CNTNAP2: variants seen among roughly 807,000 people sequenced by gnomAD.
The protein encoded by CNTNAP2 is contactin-associated protein-like 2.
A neutral mutation model predicts 155.2 loss-of-function variants in CNTNAP2; 98 were observed. The ratio of observed to expected loss-of-function variants is 0.63; its 90% CI spans 0.54 to 0.75. The LOEUF (loss-of-function observed/expected upper bound fraction) is 0.75, where lower values mean the gene tolerates loss of function less well. CNTNAP2 is among the 30% of genes least tolerant of loss of function. The probability of loss-of-function intolerance (pLI) is 0.00; values close to 1 mark genes in which losing one functional copy is unlikely to be tolerated. For synonymous variants in CNTNAP2, 651 were observed against 631.2 expected, an observed-to-expected ratio of 1.03 and a Z score of -0.47; for missense variants, 1,727 against 1,688.1, an observed-to-expected ratio of 1.02 and a Z score of -0.40.
intron 13 of CNTNAP2, among the ~76,000 whole-genome samples, chr7:147,852,149 G>A (rs537889651): frequency 8.0e-4 from 121 of 152,192 alleles, no homozygotes; most frequent in African/African-American, 2.9e-3. Flanking sequence ...GTTATCACAT[G>A]GCCGAACACT....
intron 8 of CNTNAP2, among the ~76,000 whole-genome samples, chr7:147,205,951 T>C (rs550984614): frequency 2.6e-5 from 4 of 152,280 alleles, no homozygotes; most frequent in South Asian, 2.1e-4. Context: ...ATATCCCTAT[T>C]ACCCTGATTT....
chr7:147,295,773 A>G (rs1029247380), intron 8 of CNTNAP2, among the ~76,000 whole-genome samples: 6 of 152,178 alleles, frequency 3.9e-5, no homozygotes, highest in Non-Finnish European at 7.4e-5. Context: ...CATTTTTATC[A>G]TAGATTACTG....
At position 146,757,796 on chromosome 7, in the gene CNTNAP2, C is replaced by T. The variant is rs553436990; in HGVS notation, c.98-16475C>T. ...GAATATACATATCTCATTTATTTTT[C>T]ACTGCTATGGCTCTATTTCTTATTT... On this transcript the variant is annotated intron_variant, in intron 1 of 23. Transcript: ENST00000361727. 5.9e-5 allele frequency among the ~76,000 whole-genome samples: 9 copies of T among 152,206 alleles called. No homozygotes were observed. In the South Asian group the frequency reaches 1.9e-3, roughly 32 times the overall value.
intron 1 of CNTNAP2, among the ~76,000 whole-genome samples, chr7:146,550,403 T>TG (rs1156430009): frequency 1.4e-5 from 1 of 72,088 alleles, no homozygotes; most frequent in African/African-American, 3.9e-5. Context: ...ATTAATCTGT[T>TG]TTTTTTTTTT....
chr7:146,352,812 T>C (rs1322358715), intron 1 of CNTNAP2, among the ~76,000 whole-genome samples: 2 of 136,320 alleles, frequency 1.5e-5, no homozygotes, highest in Non-Finnish European at 3.1e-5. Flanking sequence ...TGGAGTTCAG[T>C]GGTGCGATCT....
In CNTNAP2 at chr7:146,253,737, C is replaced by T. The variant is rs75781118; in HGVS notation, c.97+136764C>T. Among the ~76,000 whole-genome samples, 46 of 152,194 alleles carry T rather than the reference C, an allele frequency of 3.0e-4. No homozygotes were observed. The East Asian group carries it at 5.4e-3, about 18-fold the overall frequency. Reference sequence around the variant, plus strand: ...AAATTTAAAATGTAAAAAATTGCTTCGTCAAACTGTTTTAAAAGATGTATC... The same window carrying T: ...AAATTTAAAATGTAAAAAATTGCTTTGTCAAACTGTTTTAAAAGATGTATC... On this transcript the variant is annotated intron_variant, in intron 1 of 23. Coordinates refer to ENST00000361727, the MANE Select transcript of CNTNAP2 (RefSeq NM_014141.6).
intron 13 of CNTNAP2, among the ~76,000 whole-genome samples, chr7:147,757,629 G>A (rs748634297): frequency 7.3e-5 from 11 of 151,516 alleles, no homozygotes; most frequent in South Asian, 2.1e-4. Flanking sequence ...TTTTTTTAAC[G>A]TAAGCAAATT....
intron 3 of CNTNAP2, among the ~76,000 whole-genome samples, chr7:146,867,828 G>T (rs554642457): frequency 4.8e-4 from 73 of 150,868 alleles, no homozygotes; most frequent in African/African-American, 1.8e-3. Flanking sequence ...CTTCATTTGA[G>T]GAGTGTCTGT....
At chr7:148,313,450 G>A (rs1429516179) in intron 21 of CNTNAP2, among the ~76,000 whole-genome samples, 1 of 150,086 alleles carries the variant, frequency 6.7e-6, no homozygotes, top group African/African-American at 2.4e-5. Context: ...ATGGGACATG[G>A]CTTAGGAGGA....
intron 13 of CNTNAP2, among the ~76,000 whole-genome samples, chr7:147,834,326 A>T (rs1178942566): frequency 2.0e-5 from 3 of 152,134 alleles, no homozygotes; most frequent in Non-Finnish European, 2.9e-5. Flanking sequence ...TGCTGGCTAA[A>T]TCTTCTTTTT....
At position 146,318,432 on chromosome 7, in the gene CNTNAP2, C is replaced by T. The variant is rs186181754; in HGVS notation, c.97+201459C>T. Reference sequence around the variant, plus strand: ...AATATATTATACAGGCAAAATAAGACAAAATATACGTCACTTAAAAATTTA... The same window carrying T: ...AATATATTATACAGGCAAAATAAGATAAAATATACGTCACTTAAAAATTTA... On this transcript the variant is annotated intron_variant, in intron 1 of 23. Transcript: ENST00000361727. 2.1e-3 allele frequency among the ~76,000 whole-genome samples: 324 copies of T among 152,096 alleles called. 1 individual carries two copies. Among genetic ancestry groups the T allele is most frequent in the Middle Eastern group, 0.01 (3 of 294 alleles).
intron 1 of CNTNAP2, among the ~76,000 whole-genome samples, chr7:146,647,760 C>G (rs1301450414): frequency 6.6e-6 from 1 of 152,174 alleles, no homozygotes; most frequent in African/African-American, 2.4e-5. Context: ...AGCAATCATT[C>G]TCTCCTGTCA....
rs116303359 is a variant in CNTNAP2, at chr7:148,404,848, C to T, written c.3716-4543C>T. ...GATAATTCTCTTCAGTCATCCTCAGCGAAACTGCTTTCCAACTGTCCAGTT... is the reference window on the plus strand; with the variant it reads ...GATAATTCTCTTCAGTCATCCTCAGTGAAACTGCTTTCCAACTGTCCAGTT... On this transcript the variant is annotated intron_variant, in intron 22 of 23. Coordinates refer to ENST00000361727, the MANE Select transcript of CNTNAP2 (RefSeq NM_014141.6). Among the ~76,000 whole-genome samples, 806 of 152,240 alleles carry T rather than the reference C, an allele frequency of 5.3e-3. 8 individuals carry two copies. Among genetic ancestry groups the T allele is most frequent in the African/African-American group, 0.018 (738 of 41,536 alleles).
intron 1 of CNTNAP2, among the ~76,000 whole-genome samples, chr7:146,652,360 C>T (rs984901683): frequency 1.3e-5 from 2 of 152,132 alleles, no homozygotes; most frequent in Admixed American, 6.6e-5. Flanking sequence ...GATTATCTCA[C>T]TGTGGGCTAC....
intron 3 of CNTNAP2, among the ~76,000 whole-genome samples, chr7:146,952,836 A>G (rs1257206300): frequency 2.0e-5 from 3 of 152,098 alleles, no homozygotes; most frequent in Admixed American, 1.3e-4. Flanking sequence ...GATGTCCAGT[A>G]GATTTATTTT....
chr7:146,362,929 C>T (rs1045553254), intron 1 of CNTNAP2, among the ~76,000 whole-genome samples: 4 of 151,876 alleles, frequency 2.6e-5, no homozygotes, highest in Admixed American at 6.6e-5. Context: ...TGCCACCACG[C>T]CCAGCTAATT....
intron 4 of CNTNAP2, among the ~76,000 whole-genome samples, chr7:147,049,391 T>C (rs180763060): frequency 2.4e-4 from 37 of 152,322 alleles, no homozygotes; most frequent in African/African-American, 8.9e-4. Context: ...CTTCCAAAAA[T>C]TTACTGGCTA....
chr7:146,820,683 T>A (rs546638803), intron 2 of CNTNAP2, among the ~76,000 whole-genome samples: 1 of 152,118 alleles, frequency 6.6e-6, no homozygotes, highest in African/African-American at 2.4e-5. Flanking sequence ...CTATTAGGTC[T>A]GCTTGGTGCA....
intron 1 of CNTNAP2, among the ~76,000 whole-genome samples, chr7:146,220,318 A>G (rs1048589528): frequency 9.9e-5 from 15 of 152,032 alleles, no homozygotes; most frequent in African/African-American, 3.6e-4. Flanking sequence ...TTTCAATGAA[A>G]TTTTCCAGCT....
Sources: allele counts gnomAD v4.1 joint callset (sites outside exome capture counted in the v4.1 genomes callset), GRCh38; gene constraint gnomAD v4.1.1; transcripts MANE v1.5; gene names NCBI Gene and HGNC (gene_info 2026-07-23, HGNC 2026-07-21).